Variants in KCNK9 observed in about 807,000 individuals in gnomAD.
KCNK9 encodes potassium two pore domain channel subfamily K member 9, also known as potassium channel subfamily K member 9.
In KCNK9, 1 loss-of-function variant was observed where a neutral mutation model predicts 10.8. The observed-to-expected ratio is 0.09, with a 90% confidence interval of 0.03 to 0.44. The LOEUF is 0.44. KCNK9 is among the 20% of genes least tolerant of loss of function. The probability of loss-of-function intolerance (pLI) is 0.97; values close to 1 mark genes in which losing one functional copy is unlikely to be tolerated. For missense variants in KCNK9, 303 were observed against 515.0 expected (o/e 0.59, Z 3.98); for synonymous variants, 231 against 222.7 (o/e 1.04, Z -0.33).
chr8:139,638,663 C>T (rs1815407342), intron 1 of KCNK9, among the ~76,000 whole-genome samples: 1 of 152,192 alleles, frequency 6.6e-6, no homozygotes, highest in African/African-American at 2.4e-5. Context: ...TACCAGCCTC[C>T]CTGGGTGCCT....
At chr8:139,678,353 C>T (rs1209219396) in intron 1 of KCNK9, among the ~76,000 whole-genome samples, 1 of 152,226 alleles carries the variant, frequency 6.6e-6, no homozygotes, top group African/African-American at 2.4e-5. Flanking sequence ...TGGGTGAGAG[C>T]CCTGAGGTCA....
At chr8:139,611,301 G>A (rs1814415512), downstream of KCNK9, 1 of 152,252 alleles carries the variant, frequency 6.6e-6, no homozygotes, top group African/African-American at 2.4e-5. Flanking sequence ...TAAAGGTGGG[G>A]AAACTGAAGC....
chr8:139,656,014 A>C (rs1816011184), intron 1 of KCNK9, among the ~76,000 whole-genome samples: 1 of 150,916 alleles, frequency 6.6e-6, no homozygotes. Context: ...AGAGGCAAGC[A>C]GGGCGGCCCT....
intron 1 of KCNK9, among the ~76,000 whole-genome samples, chr8:139,695,968 T>A (rs1817039667): frequency 6.6e-6 from 1 of 152,160 alleles, no homozygotes; most frequent in African/African-American, 2.4e-5. Flanking sequence ...CAACTTCGCA[T>A]CTGTGAGCTG....
chr8:139,667,883 T>TAA (rs4058468), intron 1 of KCNK9, among the ~76,000 whole-genome samples: 5 of 146,348 alleles, frequency 3.4e-5, no homozygotes, highest in East Asian at 4.3e-4. Context: ...TCCGTCTTAA[T>TAA]AAAAAAAAAA....
chr8:139,680,213 CA>C (rs1406037428), intron 1 of KCNK9, among the ~76,000 whole-genome samples: 1 of 152,230 alleles, frequency 6.6e-6, no homozygotes, highest in Non-Finnish European at 1.5e-5. Context: ...CCAGCAGCAG[CA>C]GGCACAGGGA....
At chr8:139,603,193 C>T (rs74853898) in intron 2 of KCNK9, among the ~76,000 whole-genome samples, 2,914 of 152,262 alleles carry the variant, frequency 0.019, 83 homozygotes, top group African/African-American at 0.063. Context: ...ACAATGATGA[C>T]AGTGATGAAG....
intron 1 of KCNK9, among the ~76,000 whole-genome samples, chr8:139,697,870 G>T (rs768326847): frequency 6.6e-6 from 1 of 152,116 alleles, no homozygotes; most frequent in Non-Finnish European, 1.5e-5. Flanking sequence ...AGAGCAGAGC[G>T]AGCCCAGGTC....
chr8:139,677,162 CT>C (rs1816568151), intron 1 of KCNK9, among the ~76,000 whole-genome samples: 1 of 152,096 alleles, frequency 6.6e-6, no homozygotes, highest in Admixed American at 6.5e-5. Context: ...ACCCTACCCC[CT>C]GTGGCCACCA....
Position 139,617,896 on chromosome 8 carries a change from C to A in KCNK9, c.*362G>T. On this transcript the variant is annotated 3_prime_UTR_variant, in exon 2 of 2. Transcript: ENST00000520439. ...GATGTGCAGCTTTGGGGTGGGTATC[C>A]TCTCAGCTCTGTCTCCGTGGTCTTG... The A allele has an allele frequency of 3.1e-6, 1 of 320,734 alleles. No individual in the cohort carries two copies. Among genetic ancestry groups the A allele is most frequent in the South Asian group, 2.9e-5 (1 of 34,542 alleles). 19.9% of individuals were successfully genotyped at this position (320,734 alleles called of 1,614,324 possible). A position where few individuals can be genotyped will look rare whatever the true frequency, so the allele number is the denominator to read the frequency against.
At chr8:139,687,476 A>ATGTGTACACATATATATTCATATATATG (rs1341111618) in intron 1 of KCNK9, among the ~76,000 whole-genome samples, 1 of 90,048 alleles carries the variant, frequency 1.1e-5, no homozygotes, top group African/African-American at 4.4e-5. Context: ...ATTCATATAT[A>ATGTGTACACATATATATTCATATATATG]TGTATACATA....
intron 1 of KCNK9, among the ~76,000 whole-genome samples, chr8:139,666,422 G>T (rs374917559): frequency 6.6e-6 from 1 of 152,256 alleles, no homozygotes; most frequent in Admixed American, 6.5e-5. Flanking sequence ...AGCCTCTCGG[G>T]TTTAAATGAG....
intron 1 of KCNK9, among the ~76,000 whole-genome samples, chr8:139,620,205 G>C (rs1276310403): frequency 1.3e-5 from 2 of 151,632 alleles, no homozygotes; most frequent in African/African-American, 2.4e-5. Flanking sequence ...ACACTACCCA[G>C]AATAAAAACC....
chr8:139,686,923 C>A (rs376640822), intron 1 of KCNK9, among the ~76,000 whole-genome samples: 1 of 151,944 alleles, frequency 6.6e-6, no homozygotes, highest in Non-Finnish European at 1.5e-5. Flanking sequence ...AAACATATAG[C>A]CTTTAGTGAA....
intron 1 of KCNK9, among the ~76,000 whole-genome samples, chr8:139,662,725 G>A (rs1251737961): frequency 6.6e-6 from 1 of 151,950 alleles, no homozygotes; most frequent in Non-Finnish European, 1.5e-5. Context: ...CATATTTCAT[G>A]AGCACCCACC....
At chr8:139,661,494 GTC>G (rs1554624044) in intron 1 of KCNK9, among the ~76,000 whole-genome samples, 3 of 152,150 alleles carry the variant, frequency 2.0e-5, no homozygotes, top group Non-Finnish European at 4.4e-5. Context: ...GCTTGCCCTC[GTC>G]ACAGCCCTGG....
chr8:139,663,691 G>GTGTT (rs1816226591), intron 1 of KCNK9, among the ~76,000 whole-genome samples: 2 of 150,826 alleles, frequency 1.3e-5, no homozygotes, highest in African/African-American at 4.9e-5. Flanking sequence ...GTTAGAGAGA[G>GTGTT]AGATAGAGAG....
chr8:139,609,598 C>T (rs1686069558), downstream of KCNK9, among the ~76,000 whole-genome samples: 1 of 152,240 alleles, frequency 6.6e-6, no homozygotes, highest in Non-Finnish European at 1.5e-5. Flanking sequence ...TCTGCAGATA[C>T]TGATGACTCA....
At chr8:139,670,375 G>A (rs1009879755) in intron 1 of KCNK9, among the ~76,000 whole-genome samples, 5 of 152,144 alleles carry the variant, frequency 3.3e-5, no homozygotes, top group Admixed American at 1.3e-4. Context: ...AATGACACCA[G>A]TGGGCTTGAT....
Sources: allele counts gnomAD v4.1 joint callset (sites outside exome capture counted in the v4.1 genomes callset), GRCh38; gene constraint gnomAD v4.1.1; transcripts MANE v1.5; gene names NCBI Gene and HGNC (gene_info 2026-07-23, HGNC 2026-07-21).